The following LRRC53 variants were observed in gnomAD, a reference collection of about 807,000 sequenced individuals.
LRRC53 encodes the protein leucine rich repeat containing 53, also known as leucine-rich repeat-containing protein 53.
Under a neutral mutation model 13.6 loss-of-function variants are expected in LRRC53, and 25 were observed. That is an observed-to-expected ratio of 1.83 (90% confidence interval 1.34 to 2.56). LRRC53 has a LOEUF of 2.56. Among genes scored for constraint, LRRC53 ranks in the 30% most tolerant of loss-of-function variants. LRRC53 has a pLI of 0.00. For missense variants in LRRC53, 527 were observed against 275.8 expected (o/e 1.91, Z -6.45); for synonymous variants, 204 against 109.8 (o/e 1.86, Z -5.37).
At chr1:74,495,942 G>C (rs528628121) in intron 1 of LRRC53, among the ~76,000 whole-genome samples, 2 of 152,148 alleles carry the variant, frequency 1.3e-5, no homozygotes, top group Non-Finnish European at 2.9e-5. Context: ...TAAAGTCAGA[G>C]AGCCCAAGGA....
the LRRC53 span, among the ~76,000 whole-genome samples, chr1:74,535,775 T>C: frequency 6.6e-6 from 1 of 152,198 alleles, no homozygotes; most frequent in Non-Finnish European, 1.5e-5. Flanking sequence ...ACCTTCACCA[T>C]TTGAAGACTG....
chr1:74,476,051 C>G (rs1169271106), intron 3 of LRRC53, among the ~76,000 whole-genome samples: 1 of 152,072 alleles, frequency 6.6e-6, no homozygotes, highest in African/African-American at 2.4e-5. Flanking sequence ...TCTGGAATCT[C>G]TTTGGTAGAA....
chr1:74,483,441 A>C, intron 1 of LRRC53, 66 bp from the exon 2 acceptor site: 2 of 673,896 alleles, frequency 3.0e-6, no homozygotes, highest in Admixed American at 2.1e-5. Flanking sequence ...ATTTCTGTAC[A>C]TACAGGTCAT....
upstream of LRRC53, among the ~76,000 whole-genome samples, chr1:74,513,359 G>C (rs533423064): frequency 6.6e-6 from 1 of 152,314 alleles, no homozygotes; most frequent in East Asian, 1.9e-4. Context: ...GAAATGTTGG[G>C]GATGCAGGGG....
At chr1:74,523,839 T>C in the LRRC53 span, among the ~76,000 whole-genome samples, 1 of 152,210 alleles carries the variant, frequency 6.6e-6, no homozygotes, top group South Asian at 2.1e-4. Flanking sequence ...GTTTGTTACA[T>C]AGGTATACAT....
chr1:74,514,790 T>C (rs12074422), upstream of LRRC53, among the ~76,000 whole-genome samples: 12,421 of 152,076 alleles, frequency 0.082, 1,123 homozygotes, highest in African/African-American at 0.22. Context: ...TGGGTTGAAT[T>C]GTATCCCCCA....
At chr1:74,502,724 T>C (rs978744097) in intron 1 of LRRC53, among the ~76,000 whole-genome samples, 2 of 152,194 alleles carry the variant, frequency 1.3e-5, no homozygotes, top group Non-Finnish European at 2.9e-5. Context: ...ACTCTGATAG[T>C]AGCCACTTTG....
In LRRC53 at chr1:74,475,116, C is replaced by CCACACACACACACA. The variant is rs3058791; in HGVS notation, c.1420+165_1420+178dup. On this transcript the variant is annotated intron_variant, in intron 4 of 4. Transcript: ENST00000294635. Reference sequence around the variant, plus strand: ...AAGAACACTTCATCTCCACCTCAGCCCACACACACACACACACACACACAC... The same window carrying CCACACACACACACA: ...AAGAACACTTCATCTCCACCTCAGCCCACACACACACACACACACACACACACACACACACACAC... 6.4e-4 allele frequency among the ~76,000 whole-genome samples: 87 copies of CCACACACACACACA among 135,990 alleles called. 1 individual carries two copies. Among genetic ancestry groups the CCACACACACACACA allele is most frequent in the East Asian group, 5.5e-3 (24 of 4,398 alleles). The allele number at this position is 135,990 out of a possible 152,430, so 89.2% of individuals were successfully genotyped here.
rs144519050 is a variant in LRRC53 at position 74,503,010 on chromosome 1, A to G, written c.-27+9516T>C. Among the ~76,000 whole-genome samples the G allele has an allele frequency of 5.1e-4, 77 of 152,340 alleles. 1 individual carries two copies. The highest frequency in any genetic ancestry group is 9.8e-4 in the Non-Finnish European group (67 of 68,034). On this transcript the variant is annotated intron_variant, in intron 1 of 4. Transcript: ENST00000294635. ...GTGGACTAGCTTTGAGGATAGCTCT[A>G]CTTCAGCATGATTTCTTTATGGAAC...
chr1:74,469,578 CTT>C lies in LRRC53; in HGVS notation c.*298_*299del, dbSNP rs3835392. Reference sequence around the variant, plus strand: ...TATGTAGTTTTTCATTTGTTTAAGGCTTTTTTTTTTTCAATGTTTGCTTGCTT... The same window carrying C: ...TATGTAGTTTTTCATTTGTTTAAGGCTTTTTTTTTCAATGTTTGCTTGCTT... On this transcript the variant is annotated 3_prime_UTR_variant, in exon 5 of 5. Transcript: ENST00000294635. 334 of 207,822 alleles carry C rather than the reference CTT, an allele frequency of 1.6e-3. No homozygotes were observed. Among genetic ancestry groups the C allele is most frequent in the East Asian group, 6.3e-3 (60 of 9,546 alleles). The allele number at this position is 207,822 out of a possible 1,614,324, so 12.9% of individuals were successfully genotyped here.
At chr1:74,495,005 T>A (rs1669254503) in intron 1 of LRRC53, among the ~76,000 whole-genome samples, 1 of 152,170 alleles carries the variant, frequency 6.6e-6, no homozygotes, top group Non-Finnish European at 1.5e-5. Flanking sequence ...CCTTCAAGAA[T>A]CTAGAGATGT....
rs530720925 is a variant in LRRC53 at position 74,475,529 on chromosome 1, C to A, written c.1186G>T (p.Asp396Tyr). 11 of 717,266 alleles carry A rather than the reference C, an allele frequency of 1.5e-5. No individual in the cohort carries two copies. Among genetic ancestry groups the A allele is most frequent in the Non-Finnish European group, 2.1e-5 (8 of 384,944 alleles). 44.4% of individuals were successfully genotyped at this position (717,266 alleles called of 1,614,324 possible). The change falls in exon 4 of 5, where the codon GAC becomes TAC. Residue 396 changes from aspartate (D) to tyrosine (Y), a missense_variant. Transcript: ENST00000294635. The stretch of plus-strand genomic sequence containing the variant: ...TTTTTCAGGTTTCTAAATGATCCGT[C>A]AAGGGTTGCAGACTCAGAGGCCGAT... ...ATSASESATLDGSFRNLKKKD... is the reference protein window; with the variant it reads ...ATSASESATLYGSFRNLKKKD...
chr1:74,499,858 T>A (rs2100335981), intron 1 of LRRC53, among the ~76,000 whole-genome samples: 1 of 152,280 alleles, frequency 6.6e-6, no homozygotes, highest in East Asian at 1.9e-4. Context: ...ATGGGGTTCT[T>A]ATATACCTTT....
At chr1:74,481,022 G>C in intron 2 of LRRC53, 54 bp from the exon 3 acceptor site, 3 of 651,600 alleles carry the variant, frequency 4.6e-6, no homozygotes, top group Non-Finnish European at 8.5e-6. Flanking sequence ...TGGGAGGGAG[G>C]GGGTATGGTG....
chr1:74,534,586 A>T, the LRRC53 span, among the ~76,000 whole-genome samples: 1 of 152,224 alleles, frequency 6.6e-6, no homozygotes, highest in African/African-American at 2.4e-5. Flanking sequence ...AGATGGCACC[A>T]GAATCTCCCA....
Position 74,480,546 on chromosome 1 carries a change from A to T in LRRC53, c.511T>A (p.Tyr171Asn). The change falls in exon 3 of 5, where the codon TAC (tyrosine) becomes AAC (asparagine). Residue 171 changes from tyrosine to asparagine, a missense_variant. Coordinates refer to ENST00000294635, the MANE Select transcript of LRRC53 (RefSeq NM_001382280.1). ...GGCCGGAAGGCATCTTTCCCAATGT[A>T]GGAAATAAAATTGTTGGATAAATCC... is the stretch of plus-strand genomic sequence containing the variant. ...YLDLSNNFIS[Y>N]IGKDAFRPLP... 1.4e-6 allele frequency: 1 copy of T among 717,404 alleles called. No homozygotes were observed. Among genetic ancestry groups the T allele is most frequent in the Admixed American group, 2.0e-5 (1 of 50,020 alleles). 44.4% of individuals were successfully genotyped at this position (717,404 alleles called of 1,614,324 possible). A position where few individuals can be genotyped will look rare whatever the true frequency, so the allele number is the denominator to read the frequency against.
Position 74,471,599 on chromosome 1 carries a change from C to T in LRRC53, c.2023G>A (p.Asp675Asn), listed in dbSNP as rs1466483273. 1 of 400,596 alleles carries T rather than the reference C, an allele frequency of 2.5e-6. No homozygotes were observed. The highest frequency in any genetic ancestry group is 4.4e-5 in the Admixed American group (1 of 22,708). The allele number at this position is 400,596 out of a possible 1,614,324, so 24.8% of individuals were successfully genotyped here. A position where few individuals can be genotyped will look rare whatever the true frequency, so the allele number is the denominator to read the frequency against. Residue 675 changes from aspartate to asparagine, a missense_variant, in exon 5 of 5, where the codon GAT becomes AAT. By Grantham distance (23) the Asp-to-Asn change is conservative (BLOSUM62 1). Transcript: ENST00000294635. Reference sequence around the variant, plus strand: ...CCAGTGTTGCTAAATTTTTTAACATCCAACTTAGTCAGTTGGTTACTTTGA... The same window carrying T: ...CCAGTGTTGCTAAATTTTTTAACATTCAACTTAGTCAGTTGGTTACTTTGA... ...KNQSNQLTKLDVKKFSNTGER... is the reference protein window; with the variant it reads ...KNQSNQLTKLNVKKFSNTGER...
At chr1:74,531,816 A>C in the LRRC53 span, among the ~76,000 whole-genome samples, 3 of 152,336 alleles carry the variant, frequency 2.0e-5, no homozygotes, top group African/African-American at 7.2e-5. Context: ...AAGTGTGCAT[A>C]TGGCATTGAT....
chr1:74,480,012 T>C, intron 3 of LRRC53, 141 bp downstream of exon 3: 1 of 603,936 alleles, frequency 1.7e-6, no homozygotes. Flanking sequence ...CCAAATCAGC[T>C]AATATCCTCC....
Sources: allele counts gnomAD v4.1 joint callset (sites outside exome capture counted in the v4.1 genomes callset), GRCh38; gene constraint gnomAD v4.1.1; transcripts MANE v1.5; gene names NCBI Gene and HGNC (gene_info 2026-07-23, HGNC 2026-07-21).